The following KSR1 variants were observed in gnomAD, a reference collection of about 807,000 sequenced individuals.
The protein encoded by KSR1 is kinase suppressor of ras.
In KSR1, 35 loss-of-function variants were observed where a neutral mutation model predicts 92.9. The observed-to-expected ratio is 0.38, with a 90% CI of 0.29 to 0.50. The LOEUF (loss-of-function observed/expected upper bound fraction) is 0.50. Among genes scored for constraint, KSR1 ranks in the 20% least tolerant of loss-of-function variants. The pLI is 0.94. For synonymous variants in KSR1, 467 were observed against 472.6 expected (o/e 0.99, Z 0.15); for missense variants, 972 against 1,158.5 (o/e 0.84, Z 2.34).
chr17:27,549,294 G>A (rs550151150), intron 1 of KSR1, among the ~76,000 whole-genome samples: 19 of 152,198 alleles, frequency 1.2e-4, no homozygotes, highest in Non-Finnish European at 2.6e-4. Context: ...CAACATTTCA[G>A]GAGCTCTCCC....
intron 2 of KSR1, among the ~76,000 whole-genome samples, chr17:27,558,891 G>A (rs1414197900): frequency 2.0e-5 from 3 of 152,074 alleles, no homozygotes; most frequent in African/African-American, 7.2e-5. Context: ...CAGTCACTTT[G>A]AGTTCTCTGC....
chr17:27,605,388 A>G (rs191384809), intron 13 of KSR1, 46 bp from the exon 14 acceptor site: 1 of 1,570,026 alleles, frequency 6.4e-7, no homozygotes, highest in East Asian at 2.3e-5. Flanking sequence ...GACGTCGCAG[A>G]GCCCAGATCT....
rs559383488 is a variant in KSR1, at chr17:27,594,767, C to T, written c.1299+2141C>T. 2.6e-5 allele frequency among the ~76,000 whole-genome samples: 4 copies of T among 152,258 alleles called. 1 individual carries two copies. In the South Asian group the frequency reaches 6.2e-4, roughly 24 times the overall value. On this transcript the variant is annotated intron_variant, in intron 9 of 20. Transcript: ENST00000644974. ...TCCACCCCTGCCCACCCCACATTCC[C>T]CTTCAGCACAGATGCTCCCTGAGGG...
intron 1 of KSR1, among the ~76,000 whole-genome samples, chr17:27,547,543 GTTA>G (rs1299312655): frequency 6.6e-6 from 1 of 152,164 alleles, no homozygotes; most frequent in Non-Finnish European, 1.5e-5. Context: ...AGTTATGGCA[GTTA>G]TTAGATGCAC....
chr17:27,490,836 A>G (rs1004463810), intron 1 of KSR1, among the ~76,000 whole-genome samples: 7 of 152,216 alleles, frequency 4.6e-5, no homozygotes, highest in Non-Finnish European at 8.8e-5. Flanking sequence ...ACATACAAGC[A>G]TAAGTACAAG....
At chr17:27,478,650 C>T (rs770122617) in intron 1 of KSR1, among the ~76,000 whole-genome samples, 4 of 152,030 alleles carry the variant, frequency 2.6e-5, no homozygotes, top group Non-Finnish European at 5.9e-5. Flanking sequence ...CTAATGCCAC[C>T]GACCTCCTTG....
Position 27,582,649 on chromosome 17 carries a change from G to A in KSR1, c.524G>A (p.Gly175Glu), listed in dbSNP as rs1009241166. ...TCLRKVTGLG[G>E]EHKEDSSWSS... ...GACTCCACGTCTTGGTCCACAGGAG[G>A]GGAGCACAAGGAGGACTCCAGTTGG... The change falls in exon 4 of 21, where the codon GGG becomes GAG. Residue 175 changes from glycine (G) to glutamate (E), a missense_variant. Physicochemically the swap from Gly to Glu is moderately conservative, Grantham distance 98. Around this residue, in one of 5 missense-constraint regions of KSR1, gnomAD observed 611 missense variants for 668.0 expected, o/e 0.91. Coordinates refer to ENST00000644974, the MANE Select transcript of KSR1 (RefSeq NM_001394583.1). 3 of 1,605,864 alleles carry A rather than the reference G, an allele frequency of 1.9e-6. No homozygotes were observed. Among genetic ancestry groups the A allele is most frequent in the African/African-American group, 2.7e-5 (2 of 74,816 alleles).
chr17:27,588,237 T>A lies in KSR1; in HGVS notation c.986-238T>A, dbSNP rs569672064. On this transcript the variant is annotated intron_variant, in intron 5 of 20. Coordinates refer to ENST00000644974, the MANE Select transcript of KSR1 (RefSeq NM_001394583.1). The stretch of plus-strand genomic sequence containing the variant: ...TGGAAACATCACAGGGGCAGCTGAC[T>A]GAGCCATCCTCAGAGGCCAGGAGCA... 1.4e-4 allele frequency: 48 copies of A among 335,318 alleles called. No homozygotes were observed. The South Asian group carries it at 3.5e-3, about 24-fold the overall frequency. 20.8% of individuals were successfully genotyped at this position (335,318 alleles called of 1,614,324 possible).
At chr17:27,568,660 T>C (rs2072182755) in intron 2 of KSR1, among the ~76,000 whole-genome samples, 1 of 151,896 alleles carries the variant, frequency 6.6e-6, no homozygotes, top group Non-Finnish European at 1.5e-5. Context: ...AGAGCTGGGG[T>C]CCCCCATGGG....
At chr17:27,470,134 C>T (rs2019912258) in intron 1 of KSR1, among the ~76,000 whole-genome samples, 1 of 151,304 alleles carries the variant, frequency 6.6e-6, no homozygotes, top group Non-Finnish European at 1.5e-5. Context: ...CAGTTCACTG[C>T]AGCCTGCACC....
intron 1 of KSR1, among the ~76,000 whole-genome samples, chr17:27,470,591 A>G (rs536275435): frequency 6.6e-6 from 1 of 152,016 alleles, no homozygotes; most frequent in Non-Finnish European, 1.5e-5. Context: ...GGCCAGGCTG[A>G]TCTCAAATTC....
intron 1 of KSR1, among the ~76,000 whole-genome samples, chr17:27,544,034 G>A (rs1282837085): frequency 6.6e-6 from 1 of 152,178 alleles, no homozygotes; most frequent in African/African-American, 2.4e-5. Flanking sequence ...ACCCACGTCC[G>A]CTGCCGCCGC....
intron 1 of KSR1, among the ~76,000 whole-genome samples, chr17:27,511,295 C>T (rs1168746255): frequency 6.6e-6 from 1 of 152,194 alleles, no homozygotes; most frequent in Non-Finnish European, 1.5e-5. Context: ...AGCCAGAAGC[C>T]TCTTACCTTT....
chr17:27,603,714 A>T (rs1227322576), intron 11 of KSR1, 120 bp from the exon 12 acceptor site: 21 of 973,636 alleles, frequency 2.2e-5, no homozygotes, highest in African/African-American at 6.4e-5. Flanking sequence ...TCTGGGGAAC[A>T]TGTGGCAGTC....
intron 11 of KSR1, 80 bp from the exon 12 acceptor site, chr17:27,603,754 G>C (rs1388482965): frequency 3.5e-6 from 5 of 1,420,122 alleles, no homozygotes; most frequent in Non-Finnish European, 5.0e-6. Flanking sequence ...CTCTCTGGGG[G>C]TGCTGGGTTT....
intron 10 of KSR1, 86 bp from the exon 11 acceptor site, chr17:27,601,274 C>T (rs1379107908): frequency 8.4e-7 from 1 of 1,192,044 alleles, no homozygotes; most frequent in Non-Finnish European, 1.2e-6. Context: ...CAAGTCCCTG[C>T]CTCCCAAGCC....
At chr17:27,612,533 G>A (rs920436201) in intron 18 of KSR1, 5 of 152,168 alleles carry the variant, frequency 3.3e-5, no homozygotes, top group Non-Finnish European at 7.3e-5. Flanking sequence ...TCCCAGGCCC[G>A]ATTTGTCAGA....
chr17:27,571,365 T>C (rs1027481044), intron 2 of KSR1, among the ~76,000 whole-genome samples: 1 of 152,194 alleles, frequency 6.6e-6, no homozygotes, highest in Non-Finnish European at 1.5e-5. Flanking sequence ...GCCCCAATGG[T>C]GGGTGCAGGT....
At chr17:27,590,671 G>A in intron 6 of KSR1, 140 bp from the exon 7 acceptor site, 2 of 686,478 alleles carry the variant, frequency 2.9e-6, no homozygotes, top group Non-Finnish European at 5.0e-6. Flanking sequence ...GGGTATCTCT[G>A]TCCTCTCTGG....
Sources: gnomAD v4.1 joint callset for allele counts (sites outside exome capture counted in the v4.1 genomes callset) on GRCh38, gnomAD v4.1.1 for gene constraint, gnomAD v4.1.1 regional missense constraint, MANE v1.5 for transcripts, NCBI Gene and HGNC (gene_info 2026-07-23, HGNC 2026-07-21) for gene names.